The following TCF7L2 variants were observed in gnomAD, a reference collection of about 807,000 sequenced individuals.
TCF7L2 encodes the protein transcription factor 7-like 2.
TCF7L2 carries 23 observed loss-of-function variants against 77.9 expected under a neutral mutation model. The ratio of observed to expected loss-of-function variants is 0.30; its 90% CI spans 0.21 to 0.42. TCF7L2 has a LOEUF of 0.42. Ranked by LOEUF, TCF7L2 falls within the 10% of genes least tolerant of loss-of-function variation. The pLI is 1.00. For synonymous variants in TCF7L2, 413 were observed against 340.2 expected (o/e 1.21, Z -2.36); for missense variants, 654 against 793.1 (o/e 0.82, Z 2.11).
chr10:113,118,228 A>G (rs912421155), intron 5 of TCF7L2, among the ~76,000 whole-genome samples: 5 of 152,066 alleles, frequency 3.3e-5, no homozygotes, highest in Admixed American at 6.6e-5. Context: ...ATGGGTGATA[A>G]TTAGGTGAAG....
chr10:113,163,968 A>G (rs1047494857), intron 13 of TCF7L2, among the ~76,000 whole-genome samples: 2 of 152,208 alleles, frequency 1.3e-5, no homozygotes, highest in Non-Finnish European at 2.9e-5. Context: ...ACATTGTCTG[A>G]CAGTGGTTGC....
intron 5 of TCF7L2, among the ~76,000 whole-genome samples, chr10:113,070,911 C>T (rs564981847): frequency 1.9e-4 from 29 of 152,310 alleles, no homozygotes; most frequent in Non-Finnish European, 3.1e-4. Flanking sequence ...TTCCACAAAA[C>T]CCCCGTGTCT....
At chr10:113,131,654 C>T (rs114146913) in intron 5 of TCF7L2, among the ~76,000 whole-genome samples, 139 of 152,300 alleles carry the variant, frequency 9.1e-4, no homozygotes, top group African/African-American at 3.2e-3. Flanking sequence ...GTATTATGAT[C>T]TCTGTATTGT....
intron 4 of TCF7L2, among the ~76,000 whole-genome samples, chr10:112,997,340 T>C (rs2043661160): frequency 1.3e-5 from 2 of 152,248 alleles, no homozygotes; most frequent in Non-Finnish European, 2.9e-5. Flanking sequence ...TGACATTTTA[T>C]TTTGAAATTT....
At chr10:112,970,095 AC>A (rs2037904331) in intron 4 of TCF7L2, among the ~76,000 whole-genome samples, 2 of 151,276 alleles carry the variant, frequency 1.3e-5, no homozygotes, top group African/African-American at 4.9e-5. Context: ...TTTAGGAAAA[AC>A]CTCCACATGC....
At chr10:113,126,755 GC>G (rs2065685516) in intron 5 of TCF7L2, 1 of 985,724 alleles carries the variant, frequency 1.0e-6, no homozygotes. Flanking sequence ...GGCGGCGCGG[GC>G]TGCAGGGCGG....
intron 5 of TCF7L2, among the ~76,000 whole-genome samples, chr10:113,066,007 G>A (rs2057196813): frequency 6.6e-6 from 1 of 152,168 alleles, no homozygotes; most frequent in Non-Finnish European, 1.5e-5. Flanking sequence ...ATGATTCAAG[G>A]AGCATGAGAA....
chr10:113,027,831 TAGCCCTGC>T (rs1052763534), intron 4 of TCF7L2, among the ~76,000 whole-genome samples: 10 of 151,470 alleles, frequency 6.6e-5, no homozygotes, highest in African/African-American at 2.4e-4. Flanking sequence ...CCCCAGGAGG[TAGCCCTGC>T]AGCCCTGCTT....
chr10:113,033,037 G>A (rs2050512771), intron 4 of TCF7L2, among the ~76,000 whole-genome samples: 1 of 152,108 alleles, frequency 6.6e-6, no homozygotes, highest in Non-Finnish European at 1.5e-5. Context: ...CCTTTTATGT[G>A]AGAAATGAGA....
chr10:113,077,264 A>C (rs1464772015), intron 5 of TCF7L2, among the ~76,000 whole-genome samples: 6 of 152,342 alleles, frequency 3.9e-5, no homozygotes, highest in Non-Finnish European at 2.9e-5. Context: ...TGTACTCAAA[A>C]TTAAAATACA....
At chr10:112,953,073 T>G (rs1277341460) in intron 3 of TCF7L2, among the ~76,000 whole-genome samples, 1 of 152,162 alleles carries the variant, frequency 6.6e-6, no homozygotes, top group Non-Finnish European at 1.5e-5. Context: ...TCAGCAGCCA[T>G]GGATTCGGTG....
At chr10:112,966,074 C>T (rs1393185576) in intron 4 of TCF7L2, among the ~76,000 whole-genome samples, 1 of 151,028 alleles carries the variant, frequency 6.6e-6, no homozygotes, top group African/African-American at 2.5e-5. Flanking sequence ...AATCAGGAGG[C>T]TGAGGCAGGA....
intron 5 of TCF7L2, among the ~76,000 whole-genome samples, chr10:113,123,285 G>T (rs1207219818): frequency 6.6e-6 from 1 of 152,238 alleles, no homozygotes; most frequent in Admixed American, 6.5e-5. Context: ...GCACAAAGAT[G>T]CAGATTAAGG....
chr10:112,952,754 CG>C (rs941824183), intron 3 of TCF7L2, among the ~76,000 whole-genome samples: 2 of 152,082 alleles, frequency 1.3e-5, no homozygotes, highest in South Asian at 2.1e-4. Context: ...GTGCCGGGCT[CG>C]GGGGGCGCTT....
At chr10:113,090,126 C>T (rs1473912815) in intron 5 of TCF7L2, among the ~76,000 whole-genome samples, 2 of 152,140 alleles carry the variant, frequency 1.3e-5, no homozygotes, top group South Asian at 4.1e-4. Flanking sequence ...GTCAATACCC[C>T]ACACTGCTCA....
At chr10:113,079,939 T>C (rs936678163) in intron 5 of TCF7L2, among the ~76,000 whole-genome samples, 3 of 152,048 alleles carry the variant, frequency 2.0e-5, no homozygotes, top group African/African-American at 7.2e-5. Context: ...ATTACAAGTG[T>C]GAGCACTGTG....
intron 4 of TCF7L2, among the ~76,000 whole-genome samples, chr10:113,033,699 T>A (rs1394826982): frequency 5.3e-5 from 8 of 152,242 alleles, no homozygotes; most frequent in Admixed American, 5.2e-4. Context: ...ACAGTCATGC[T>A]TTATAGGCAA....
intron 5 of TCF7L2, among the ~76,000 whole-genome samples, chr10:113,110,368 GGTT>G (rs2062963988): frequency 1.0e-5 from 1 of 97,230 alleles, no homozygotes; most frequent in African/African-American, 3.4e-5. Flanking sequence ...TGTCTACTGG[GGTT>G]TTTTTTTTTT....
chr10:113,146,147 A>C, intron 8 of TCF7L2, 50 bp downstream of exon 8: 1 of 1,577,708 alleles, frequency 6.3e-7, no homozygotes, highest in Non-Finnish European at 8.7e-7. Context: ...GTGACTTCTC[A>C]AGAAGTTCTC....
Sources: allele counts gnomAD v4.1 joint callset (sites outside exome capture counted in the v4.1 genomes callset), GRCh38; gene constraint gnomAD v4.1.1; transcripts MANE v1.5; gene names NCBI Gene and HGNC (gene_info 2026-07-23, HGNC 2026-07-21).